Variants in SORCS3 observed in about 807,000 individuals in gnomAD.
SORCS3 encodes the protein sortilin related VPS10 domain containing receptor 3.
In SORCS3, 57 loss-of-function variants were observed where a neutral mutation model predicts 146.3. The observed-to-expected ratio is 0.39, with a 90% CI of 0.31 to 0.49. SORCS3 has a LOEUF of 0.49. SORCS3 is among the 20% of genes least tolerant of loss of function. The pLI is 0.92. For missense variants in SORCS3, 1,341 were observed against 1,575.5 expected (o/e 0.85, Z 2.52); for synonymous variants, 653 against 618.5 (o/e 1.06, Z -0.83).
At chr10:104,947,503 G>A (rs1027788203) in intron 3 of SORCS3, among the ~76,000 whole-genome samples, 4 of 152,150 alleles carry the variant, frequency 2.6e-5, no homozygotes, top group Admixed American at 1.3e-4. Context: ...GTCCTTTCAC[G>A]GGCTGCGAGG....
intron 2 of SORCS3, among the ~76,000 whole-genome samples, chr10:104,869,957 A>C (rs1247694989): frequency 6.6e-6 from 1 of 152,226 alleles, no homozygotes; most frequent in Non-Finnish European, 1.5e-5. Flanking sequence ...GAATGGACAT[A>C]ATGATGGCAT....
chr10:105,168,092 T>G (rs2056329314), intron 13 of SORCS3, among the ~76,000 whole-genome samples: 1 of 152,108 alleles, frequency 6.6e-6, no homozygotes, highest in African/African-American at 2.4e-5. Context: ...AACCTAGGAT[T>G]AAGCAATAAA....
At chr10:105,153,636 T>A (rs790750) in intron 9 of SORCS3, among the ~76,000 whole-genome samples, 72,417 of 145,432 alleles carry the variant, frequency 0.5, 17,845 homozygotes, top group Admixed American at 0.54. Flanking sequence ...AGAGAGAGAG[T>A]GTGTGTGTAT....
intron 1 of SORCS3, among the ~76,000 whole-genome samples, chr10:104,782,372 GTGGTCTGC>G (rs1435579763): frequency 3.3e-5 from 5 of 152,132 alleles, no homozygotes; most frequent in Non-Finnish European, 5.9e-5. Context: ...GAAATGGGCA[GTGGTCTGC>G]CCTTTGTTGA....
chr10:105,241,408 G>A (rs1202238057), intron 20 of SORCS3, among the ~76,000 whole-genome samples: 1 of 152,238 alleles, frequency 6.6e-6, no homozygotes, highest in Non-Finnish European at 1.5e-5. Context: ...AAGCCCCAGA[G>A]GGGGTGTTAG....
intron 1 of SORCS3, among the ~76,000 whole-genome samples, chr10:104,687,724 G>A (rs1012084825): frequency 6.6e-6 from 1 of 152,174 alleles, no homozygotes; most frequent in African/African-American, 2.4e-5. Flanking sequence ...CAAGAGGGTG[G>A]TGGGGAGCGG....
chr10:105,043,748 A>G (rs987178449), intron 5 of SORCS3, among the ~76,000 whole-genome samples: 7 of 152,128 alleles, frequency 4.6e-5, no homozygotes, highest in Non-Finnish European at 1.0e-4. Flanking sequence ...CTCATGTCAC[A>G]TGTGATAAAT....
intron 1 of SORCS3, among the ~76,000 whole-genome samples, chr10:104,777,390 A>G (rs2017322341): frequency 6.6e-6 from 1 of 152,192 alleles, no homozygotes; most frequent in African/African-American, 2.4e-5. Flanking sequence ...CTTAATTCCC[A>G]GGCTGTGCAC....
intron 4 of SORCS3, among the ~76,000 whole-genome samples, chr10:104,982,484 T>C (rs2054936646): frequency 6.6e-6 from 1 of 152,196 alleles, no homozygotes. Flanking sequence ...ATAAAGCTTC[T>C]GGGGATTAAC....
intron 14 of SORCS3, among the ~76,000 whole-genome samples, chr10:105,188,859 G>A (rs2098512858): frequency 6.6e-6 from 1 of 152,236 alleles, no homozygotes. Flanking sequence ...GAAGCTGGGT[G>A]AAAGGATTGA....
chr10:105,073,278 C>T (rs752869519), intron 5 of SORCS3, among the ~76,000 whole-genome samples: 8 of 152,036 alleles, frequency 5.3e-5, no homozygotes, highest in Non-Finnish European at 8.8e-5. Flanking sequence ...GTTCCAGGTG[C>T]GGAGATCTTG....
intron 15 of SORCS3, 74 bp downstream of exon 15, chr10:105,200,190 G>C: frequency 8.6e-7 from 1 of 1,161,274 alleles, no homozygotes; most frequent in Non-Finnish European, 1.3e-6. Context: ...GGTCTTATCT[G>C]AGCCTTCCTA....
chr10:104,820,285 A>C (rs2017858151), intron 1 of SORCS3, among the ~76,000 whole-genome samples: 1 of 152,226 alleles, frequency 6.6e-6, no homozygotes. Context: ...TAGTAATCAT[A>C]GGATTGTTGC....
chr10:104,848,469 C>T (rs560184900), intron 2 of SORCS3, among the ~76,000 whole-genome samples: 1 of 152,272 alleles, frequency 6.6e-6, no homozygotes, highest in Non-Finnish European at 1.5e-5. Flanking sequence ...ATGCACTTCC[C>T]TCCCTCTACA....
chr10:104,981,501 G>T (rs2054931275), intron 4 of SORCS3, among the ~76,000 whole-genome samples: 1 of 152,122 alleles, frequency 6.6e-6, no homozygotes, highest in Non-Finnish European at 1.5e-5. Flanking sequence ...TTTCCATCAG[G>T]CTATTTCCTC....
chr10:105,233,203 A>G (rs1430871468), intron 20 of SORCS3, among the ~76,000 whole-genome samples: 4 of 152,062 alleles, frequency 2.6e-5, no homozygotes, highest in African/African-American at 9.7e-5. Flanking sequence ...ACACTATACC[A>G]CTTCAATAGT....
intron 1 of SORCS3, among the ~76,000 whole-genome samples, chr10:104,681,257 A>G (rs1417934384): frequency 6.6e-6 from 1 of 152,040 alleles, no homozygotes; most frequent in African/African-American, 2.4e-5. Flanking sequence ...GATGAGAGAG[A>G]GCTGGAGAGC....
chr10:104,975,638 T>G (rs907379808), intron 3 of SORCS3, among the ~76,000 whole-genome samples: 7 of 152,204 alleles, frequency 4.6e-5, no homozygotes, highest in Non-Finnish European at 7.3e-5. Flanking sequence ...GCTGGAGGCA[T>G]CACGTTACCT....
chr10:104,866,374 G>A (rs894229797), intron 2 of SORCS3, among the ~76,000 whole-genome samples: 1 of 152,100 alleles, frequency 6.6e-6, no homozygotes, highest in Admixed American at 6.5e-5. Flanking sequence ...ATGGGTCTAG[G>A]AATTTTTTTT....
Sources: gnomAD v4.1 joint callset for allele counts (sites outside exome capture counted in the v4.1 genomes callset) on GRCh38, gnomAD v4.1.1 for gene constraint, MANE v1.5 for transcripts, NCBI Gene and HGNC (gene_info 2026-07-23, HGNC 2026-07-21) for gene names.